Variants in CDH9 observed in about 807,000 individuals in gnomAD.
The protein encoded by CDH9 is cadherin 9, also known as cadherin-9.
In CDH9, 28 loss-of-function variants were observed where a neutral mutation model predicts 70.9. The ratio of observed to expected loss-of-function variants is 0.40; its 90% CI spans 0.29 to 0.54. The LOEUF is 0.54. Among genes scored for constraint, CDH9 ranks in the 20% least tolerant of loss-of-function variants. The probability of loss-of-function intolerance (pLI) is 0.59; values close to 1 mark genes in which losing one functional copy is unlikely to be tolerated. For missense variants in CDH9, 874 were observed against 984.4 expected, an observed-to-expected ratio of 0.89 and a Z score of 1.50; for synonymous variants, 409 against 343.1, an observed-to-expected ratio of 1.19 and a Z score of -2.12.
chr5:26,967,866 G>A (rs1473387644), intron 2 of CDH9, among the ~76,000 whole-genome samples: 4 of 151,826 alleles, frequency 2.6e-5, no homozygotes, highest in Non-Finnish European at 5.9e-5. Context: ...ACTATGTCTG[G>A]CTAACTTTTT....
chr5:27,036,964 A>G (rs779615714), intron 1 of CDH9, among the ~76,000 whole-genome samples: 4 of 151,964 alleles, frequency 2.6e-5, no homozygotes, highest in Non-Finnish European at 4.4e-5. Flanking sequence ...CAAAAGATCT[A>G]TGTTTCAAAC....
intron 1 of CDH9, among the ~76,000 whole-genome samples, chr5:27,001,836 A>ACTCTCTCT (rs1422833082): frequency 1.9e-4 from 24 of 124,794 alleles, no homozygotes; most frequent in African/African-American, 8.6e-4. Flanking sequence ...ACATACACAC[A>ACTCTCTCT]CACACACACT....
chr5:26,882,427 T>G (rs1043129662), intron 11 of CDH9, among the ~76,000 whole-genome samples: 1 of 152,106 alleles, frequency 6.6e-6, no homozygotes, highest in Non-Finnish European at 1.5e-5. Context: ...GTTACATAGT[T>G]AACTGTGAAC....
At chr5:26,967,213 C>T (rs1238140363) in intron 2 of CDH9, among the ~76,000 whole-genome samples, 2 of 152,114 alleles carry the variant, frequency 1.3e-5, no homozygotes, top group South Asian at 2.1e-4. Context: ...CTATACCTCC[C>T]GAAATGCTGG....
intron 1 of CDH9, among the ~76,000 whole-genome samples, chr5:26,999,232 C>T (rs544433619): frequency 1.4e-4 from 21 of 150,876 alleles, no homozygotes; most frequent in South Asian, 4.2e-4. Context: ...AGCGAGACTC[C>T]GTCTAAAAAA....
chr5:27,011,863 C>T (rs994170885), intron 1 of CDH9, among the ~76,000 whole-genome samples: 1 of 151,800 alleles, frequency 6.6e-6, no homozygotes, highest in South Asian at 2.1e-4. Flanking sequence ...TCTCTCTCTG[C>T]CTCTGTTTCT....
intron 2 of CDH9, among the ~76,000 whole-genome samples, chr5:26,960,144 G>GA (rs1363833249): frequency 1.3e-5 from 2 of 151,746 alleles, no homozygotes; most frequent in African/African-American, 4.8e-5. Context: ...TTTTCAGAGA[G>GA]AAAAAAACAA....
At chr5:26,961,069 C>T (rs1742027159) in intron 2 of CDH9, among the ~76,000 whole-genome samples, 1 of 151,968 alleles carries the variant, frequency 6.6e-6, no homozygotes, top group Non-Finnish European at 1.5e-5. Flanking sequence ...AGTTGATTGC[C>T]CATTTCTCAG....
chr5:26,916,126 C>T (rs753344239), intron 2 of CDH9, among the ~76,000 whole-genome samples: 1 of 151,784 alleles, frequency 6.6e-6, no homozygotes, highest in Non-Finnish European at 1.5e-5. Context: ...ATTTAGACAT[C>T]ATAATGGACT....
intron 2 of CDH9, among the ~76,000 whole-genome samples, chr5:26,980,287 T>C (rs1393405408): frequency 6.6e-6 from 1 of 151,916 alleles, no homozygotes; most frequent in Non-Finnish European, 1.5e-5. Context: ...CACTTATTCA[T>C]TATTATTGAA....
At position 26,915,120 on chromosome 5, in the gene CDH9, T is replaced by C. The variant is rs145564578; in HGVS notation, c.523+510A>G. Among the ~76,000 whole-genome samples the C allele has an allele frequency of 7.8e-3, 1,194 of 152,116 alleles. 53 individuals are homozygous for C. The highest frequency in any genetic ancestry group is 0.062 in the Admixed American group (951 of 15,244). ...ATGCTACCAGGTTATTTGATCTTAA[T>C]TCAGTTGCTTAATCTTTCTGAATCT... On this transcript the variant is annotated intron_variant, in intron 3 of 11. Transcript: ENST00000231021.
chr5:26,982,392 G>C (rs1742413731), intron 2 of CDH9, among the ~76,000 whole-genome samples: 1 of 152,114 alleles, frequency 6.6e-6, no homozygotes, highest in African/African-American at 2.4e-5. Flanking sequence ...GAACAGCAAA[G>C]AGGAAGTTTG....
chr5:27,033,564 A>T (rs1743344256), intron 1 of CDH9, among the ~76,000 whole-genome samples: 1 of 151,548 alleles, frequency 6.6e-6, no homozygotes, highest in African/African-American at 2.4e-5. Flanking sequence ...AGTTTTCTTG[A>T]ACTGTTAAGT....
intron 2 of CDH9, among the ~76,000 whole-genome samples, chr5:26,940,206 T>C (rs1329433697): frequency 1.3e-5 from 2 of 151,638 alleles, no homozygotes; most frequent in Admixed American, 6.6e-5. Flanking sequence ...AATTACCTAG[T>C]AAAAAATGAG....
chr5:27,025,176 G>A (rs1254159369), intron 1 of CDH9, among the ~76,000 whole-genome samples: 4 of 151,890 alleles, frequency 2.6e-5, no homozygotes, highest in Admixed American at 2.6e-4. Flanking sequence ...GTTATTTGGG[G>A]AAAGAATATT....
intron 2 of CDH9, among the ~76,000 whole-genome samples, chr5:26,917,228 C>G (rs940168075): frequency 1.3e-5 from 2 of 151,892 alleles, no homozygotes; most frequent in African/African-American, 4.8e-5. Flanking sequence ...TTAACAAATT[C>G]ATCACCTCAC....
At chr5:26,883,930 A>G (rs1301931932) in intron 11 of CDH9, among the ~76,000 whole-genome samples, 2 of 152,140 alleles carry the variant, frequency 1.3e-5, no homozygotes, top group Admixed American at 1.3e-4. Context: ...GTGCTATGTC[A>G]CTATCTTATG....
chr5:27,029,123 C>CT (rs999519822), intron 1 of CDH9, among the ~76,000 whole-genome samples: 18 of 151,384 alleles, frequency 1.2e-4, no homozygotes, highest in East Asian at 3.9e-4. Flanking sequence ...ATCATGGAAA[C>CT]TTTTTTTTTC....
intron 3 of CDH9, among the ~76,000 whole-genome samples, chr5:26,910,839 T>G (rs1477364621): frequency 6.6e-6 from 1 of 152,184 alleles, no homozygotes; most frequent in Admixed American, 6.5e-5. Context: ...TCTTCTGCCA[T>G]AGGGCGATGA....
Sources: gnomAD v4.1 joint callset for allele counts (sites outside exome capture counted in the v4.1 genomes callset) on GRCh38, gnomAD v4.1.1 for gene constraint, MANE v1.5 for transcripts, NCBI Gene and HGNC (gene_info 2026-07-23, HGNC 2026-07-21) for gene names.